FANCB: variants seen among roughly 807,000 people sequenced by gnomAD.
FANCB encodes Fanconi anemia group B protein.
Under a neutral mutation model 38.9 loss-of-function variants are expected in FANCB, and 5 were observed. That is an observed-to-expected ratio of 0.13 (90% CI 0.07 to 0.27). The LOEUF (loss-of-function observed/expected upper bound fraction) is 0.27. Ranked by LOEUF, FANCB falls within the 10% of genes least tolerant of loss-of-function variation. The probability of loss-of-function intolerance (pLI) is 1.00; values close to 1 mark genes in which losing one functional copy is unlikely to be tolerated. For synonymous variants in FANCB, 236 were observed against 215.4 expected (o/e 1.10, Z -0.84); for missense variants, 573 against 602.7 (o/e 0.95, Z 0.52).
the FANCB span, among the ~76,000 whole-genome samples, chrX:14,796,512 T>C: frequency 2.0e-5 from 2 of 97,581 alleles, no homozygotes; most frequent in Non-Finnish European, 4.1e-5. Flanking sequence ...ACATATATAA[T>C]ATATAACATA....
At chrX:14,823,079 C>T in the FANCB span, among the ~76,000 whole-genome samples, 5 of 71,095 alleles carry the variant, frequency 7.0e-5, no homozygotes, top group South Asian at 8.3e-4. Flanking sequence ...TACCCTTTTA[C>T]TTTTTTTTTT....
chrX:14,799,783 A>G, the FANCB span, among the ~76,000 whole-genome samples: 5 of 112,220 alleles, frequency 4.5e-5, no homozygotes, highest in African/African-American at 1.6e-4. Context: ...CAGACAGAAA[A>G]TGTTGTTGGA....
At chrX:14,759,561 G>A in the FANCB span, among the ~76,000 whole-genome samples, 1 of 111,568 alleles carries the variant, frequency 9.0e-6, no homozygotes, top group African/African-American at 3.3e-5. Flanking sequence ...ATTGGGGTTT[G>A]ATCTTTAGCG....
the FANCB span, among the ~76,000 whole-genome samples, chrX:14,790,709 A>G: frequency 8.9e-6 from 1 of 111,886 alleles, no homozygotes; most frequent in South Asian, 3.7e-4. Flanking sequence ...TTCCTGCTGA[A>G]AAACAAAGGC....
chrX:14,691,324 T>C, the FANCB span, among the ~76,000 whole-genome samples: 1,969 of 64,250 alleles, frequency 0.031, 24 homozygotes, highest in African/African-American at 0.05. Context: ...TGTGTGTGTG[T>C]GCGCGCGTGC....
the FANCB span, among the ~76,000 whole-genome samples, chrX:14,725,229 C>A: frequency 9.0e-6 from 1 of 111,546 alleles, no homozygotes; most frequent in South Asian, 3.8e-4. Context: ...CATGTCTATT[C>A]CCAAAGTACC....
the FANCB span, among the ~76,000 whole-genome samples, chrX:14,734,734 G>C: frequency 9.0e-6 from 1 of 110,545 alleles, no homozygotes; most frequent in Admixed American, 9.7e-5. Flanking sequence ...TATCTTTGTG[G>C]TGTTCTCTGT....
At chrX:14,812,642 A>C in the FANCB span, among the ~76,000 whole-genome samples, 1 of 108,337 alleles carries the variant, frequency 9.2e-6, no homozygotes, top group African/African-American at 3.4e-5. Flanking sequence ...GAATAGACCA[A>C]TAACAGGCTC....
chrX:14,736,553 C>G, the FANCB span, among the ~76,000 whole-genome samples: 1 of 111,460 alleles, frequency 9.0e-6, no homozygotes, highest in Non-Finnish European at 1.9e-5. Flanking sequence ...TTGGCTCACC[C>G]TCCGTGGGCT....
the FANCB span, among the ~76,000 whole-genome samples, chrX:14,718,026 A>G: frequency 2.7e-5 from 3 of 110,886 alleles, no homozygotes; most frequent in Non-Finnish European, 3.8e-5. Context: ...TACTGAGATG[A>G]AGTCAAGATG....
chrX:14,803,891 C>G, the FANCB span, among the ~76,000 whole-genome samples: 16 of 111,859 alleles, frequency 1.4e-4, no homozygotes, highest in Non-Finnish European at 2.6e-4. Context: ...AAATGCTCAT[C>G]ATCACTGGCC....
the FANCB span, among the ~76,000 whole-genome samples, chrX:14,722,209 G>A: frequency 2.7e-5 from 3 of 112,071 alleles, no homozygotes; most frequent in East Asian, 8.4e-4. Context: ...CTAGGCAGTT[G>A]TGGTTCGGGG....
chrX:14,775,131 C>T, the FANCB span, among the ~76,000 whole-genome samples: 1 of 104,574 alleles, frequency 9.6e-6, no homozygotes, highest in Non-Finnish European at 2.0e-5. Flanking sequence ...CGCACCCGGC[C>T]TCCACTCTGT....
the FANCB span, among the ~76,000 whole-genome samples, chrX:14,776,014 G>A: frequency 9.3e-6 from 1 of 107,629 alleles, no homozygotes; most frequent in Admixed American, 1.0e-4. Flanking sequence ...AAACTCACAG[G>A]GACAAGTCAC....
chrX:14,849,350 C>T (rs2092391047), intron 7 of FANCB, among the ~76,000 whole-genome samples: 2 of 111,596 alleles, frequency 1.8e-5, no homozygotes, highest in Non-Finnish European at 3.8e-5. Flanking sequence ...TAGAAATTCA[C>T]TGAAACAAAA....
chrX:14,833,702 C>T, downstream of FANCB, among the ~76,000 whole-genome samples: 1 of 109,330 alleles, frequency 9.1e-6, no homozygotes, highest in East Asian at 2.9e-4. Context: ...GCAATCTCAG[C>T]TAAAATCCCA....
chrX:14,837,211 T>C (rs185151725), intron 10 of FANCB, among the ~76,000 whole-genome samples: 110 of 112,290 alleles, frequency 9.8e-4, no homozygotes, highest in African/African-American at 3.5e-3. Flanking sequence ...GTAGTACTCA[T>C]AGCGAATAAA....
chrX:14,778,643 C>A, the FANCB span, among the ~76,000 whole-genome samples: 1 of 112,055 alleles, frequency 8.9e-6, no homozygotes, highest in African/African-American at 3.2e-5. Context: ...CCCAGGTAAC[C>A]CCTTCAACTC....
the FANCB span, among the ~76,000 whole-genome samples, chrX:14,756,071 G>A: frequency 3.6e-5 from 4 of 112,044 alleles, no homozygotes; most frequent in African/African-American, 1.3e-4. Context: ...AACACATATT[G>A]GAGAAAGGAC....
Sources: allele counts gnomAD v4.1 joint callset (sites outside exome capture counted in the v4.1 genomes callset), GRCh38; gene constraint gnomAD v4.1.1; transcripts MANE v1.5; gene names NCBI Gene and HGNC (gene_info 2026-07-23, HGNC 2026-07-21).